The following TRUB1 variants were observed in gnomAD, a reference collection of about 807,000 sequenced individuals.
TRUB1 encodes TruB pseudouridine synthase family member 1.
In TRUB1, 23 loss-of-function variants were observed where a neutral mutation model predicts 33.9. That is an observed-to-expected ratio of 0.68 (90% CI 0.49 to 0.96). TRUB1 has a LOEUF of 0.96. Among genes scored for constraint, TRUB1 ranks in the 40% least tolerant of loss-of-function variants. The pLI is 0.00. For synonymous variants in TRUB1, 163 were observed against 165.4 expected, an observed-to-expected ratio of 0.99 and a Z score of 0.11; for missense variants, 378 against 422.2, an observed-to-expected ratio of 0.90 and a Z score of 0.92.
At chr10:114,945,535 T>C (rs1179131421) in intron 2 of TRUB1, among the ~76,000 whole-genome samples, 5 of 152,204 alleles carry the variant, frequency 3.3e-5, no homozygotes, top group East Asian at 1.9e-4. Flanking sequence ...TTCAAGGCAG[T>C]GAATGAAAGT....
At chr10:114,957,817 A>G (rs1241681121) in intron 3 of TRUB1, among the ~76,000 whole-genome samples, 1 of 152,194 alleles carries the variant, frequency 6.6e-6, no homozygotes, top group Non-Finnish European at 1.5e-5. Flanking sequence ...GCAAGATTGC[A>G]CCATGGTTTT....
intron 1 of TRUB1, among the ~76,000 whole-genome samples, chr10:114,939,826 CTTTT>C (rs1226215746): frequency 1.8e-5 from 1 of 55,022 alleles, no homozygotes. Flanking sequence ...GGTTTCTTTT[CTTTT>C]TTTTTTTTTT....
rs972948953 is a variant in TRUB1, at chr10:114,976,956, C to T, written c.*1577C>T. 6.6e-6 allele frequency: 1 copy of T among 152,036 alleles called. No homozygotes were observed. The highest frequency in any genetic ancestry group is 1.5e-5 in the Non-Finnish European group (1 of 67,984). The allele number at this position is 152,036 out of a possible 1,614,324, so 9.4% of individuals were successfully genotyped here. On this transcript the variant is annotated 3_prime_UTR_variant, in exon 8 of 8. Transcript: ENST00000298746. ...CAAAGGTGGCAGTGGCTACATCTGC[C>T]TGTTGGACTGGTACAGGTTACAATA...
chr10:114,951,196 T>A (rs773778961), intron 3 of TRUB1, 47 bp downstream of exon 3: 2 of 1,454,618 alleles, frequency 1.4e-6, no homozygotes, highest in South Asian at 2.4e-5. Flanking sequence ...TTCTTAATGA[T>A]CTACATGTAT....
At chr10:114,952,160 C>T (rs1023359019) in intron 3 of TRUB1, among the ~76,000 whole-genome samples, 8 of 152,138 alleles carry the variant, frequency 5.3e-5, no homozygotes, top group African/African-American at 1.7e-4. Context: ...AAGCCCTGAC[C>T]GAGCGTGGTG....
At chr10:114,975,040 G>A in intron 7 of TRUB1, 83 bp from the exon 8 acceptor site, 1 of 1,469,000 alleles carries the variant, frequency 6.8e-7, no homozygotes, top group Non-Finnish European at 9.1e-7. Context: ...TTTCAATTGA[G>A]TACGGTCATT....
intron 4 of TRUB1, 81 bp downstream of exon 4, chr10:114,959,888 C>CT (rs2084278082): frequency 1.9e-5 from 15 of 787,278 alleles, no homozygotes; most frequent in Non-Finnish European, 2.9e-5. Flanking sequence ...AAACAAATCT[C>CT]TGATATTATC....
At chr10:114,943,643 C>T (rs75028541) in intron 2 of TRUB1, among the ~76,000 whole-genome samples, 7,901 of 152,272 alleles carry the variant, frequency 0.052, 252 homozygotes, top group African/African-American at 0.074. Context: ...GAAAGCAGCA[C>T]GCTTGAGCAT....
At chr10:114,974,947 T>C (rs991905842) in intron 7 of TRUB1, among the ~76,000 whole-genome samples, 176 bp from the exon 8 acceptor site, 1 of 152,150 alleles carries the variant, frequency 6.6e-6, no homozygotes, top group Non-Finnish European at 1.5e-5. Context: ...TATTAAGTAT[T>C]ATTTTGCTAC....
At chr10:114,970,488 A>G (rs770419752) in intron 5 of TRUB1, 48 bp downstream of exon 5, 11 of 1,335,154 alleles carry the variant, frequency 8.2e-6, no homozygotes, top group Admixed American at 5.1e-5. Context: ...TTCTTTTCCA[A>G]TGGTTAACAT....
chr10:114,946,782 AT>A (rs2084213470), intron 2 of TRUB1, among the ~76,000 whole-genome samples: 1 of 152,196 alleles, frequency 6.6e-6, no homozygotes, highest in African/African-American at 2.4e-5. Context: ...ATTTAAGATT[AT>A]AACCTGAAAT....
At chr10:114,971,934 A>G (rs889377450) in intron 5 of TRUB1, among the ~76,000 whole-genome samples, 1 of 152,238 alleles carries the variant, frequency 6.6e-6, no homozygotes. Flanking sequence ...AGAAATATTT[A>G]GAAACTCTAT....
At chr10:114,974,841 C>T (rs1015480407) in intron 7 of TRUB1, among the ~76,000 whole-genome samples, 3 of 151,958 alleles carry the variant, frequency 2.0e-5, no homozygotes, top group East Asian at 1.9e-4. Flanking sequence ...CTGTAAAGTG[C>T]GGCTAATCTT....
At chr10:114,959,346 T>A (rs1009183460) in intron 3 of TRUB1, among the ~76,000 whole-genome samples, 2 of 152,240 alleles carry the variant, frequency 1.3e-5, no homozygotes, top group African/African-American at 4.8e-5. Context: ...AATCTTATGA[T>A]GACCATGGAG....
intron 1 of TRUB1, among the ~76,000 whole-genome samples, chr10:114,942,190 T>G (rs2084190835): frequency 6.6e-6 from 1 of 152,188 alleles, no homozygotes; most frequent in Admixed American, 6.5e-5. Context: ...GCATGAGATG[T>G]ACTCGCAATG....
intron 2 of TRUB1, among the ~76,000 whole-genome samples, chr10:114,945,274 C>A (rs932946082): frequency 6.6e-6 from 1 of 152,180 alleles, no homozygotes; most frequent in Non-Finnish European, 1.5e-5. Context: ...GTTCCTCATG[C>A]CCTGTGCTCT....
chr10:114,943,616 C>CT (rs1328862343), intron 2 of TRUB1, among the ~76,000 whole-genome samples: 1 of 152,192 alleles, frequency 6.6e-6, no homozygotes, highest in Non-Finnish European at 1.5e-5. Flanking sequence ...TGTGTTACCG[C>CT]TTTTTTTGTT....
At chr10:114,974,513 G>C in intron 7 of TRUB1, 128 bp downstream of exon 7, 1 of 683,848 alleles carries the variant, frequency 1.5e-6, no homozygotes, top group East Asian at 2.8e-5. Flanking sequence ...GCTGCCTTCA[G>C]CTTTAAAAGC....
At chr10:114,971,342 G>T (rs1182147738) in intron 5 of TRUB1, among the ~76,000 whole-genome samples, 1 of 152,040 alleles carries the variant, frequency 6.6e-6, no homozygotes, top group Non-Finnish European at 1.5e-5. Context: ...CAAGCAAATT[G>T]CCTCTTTTGA....
Sources: allele counts gnomAD v4.1 joint callset (sites outside exome capture counted in the v4.1 genomes callset), GRCh38; gene constraint gnomAD v4.1.1; transcripts MANE v1.5; gene names NCBI Gene and HGNC (gene_info 2026-07-23, HGNC 2026-07-21).